The following EFL1 variants were observed in gnomAD, a reference collection of about 807,000 sequenced individuals.
The protein encoded by EFL1 is elongation factor like GTPase 1.
Under a neutral mutation model 126.7 loss-of-function variants are expected in EFL1, and 76 were observed. The ratio of observed to expected loss-of-function variants is 0.60; its 90% confidence interval spans 0.50 to 0.73. The LOEUF (loss-of-function observed/expected upper bound fraction) is 0.73, where lower values mean the gene tolerates loss of function less well. Among genes scored for constraint, EFL1 ranks in the 30% least tolerant of loss-of-function variants. The pLI is 0.00. For missense variants in EFL1, 1,128 were observed against 1,343.2 expected, an observed-to-expected ratio of 0.84 and a Z score of 2.50; for synonymous variants, 410 against 448.4, an observed-to-expected ratio of 0.91 and a Z score of 1.08.
intron 19 of EFL1, among the ~76,000 whole-genome samples, chr15:82,138,425 A>AGAGAGTGT (rs751682963): frequency 6.5e-5 from 3 of 46,178 alleles, no homozygotes; most frequent in South Asian, 1.4e-3. Context: ...AGAGAGAGAG[A>AGAGAGTGT]GTGTATGTGT....
chr15:82,220,237 A>T lies in EFL1; in HGVS notation c.1293-8T>A, dbSNP rs1209136352. 1 of 1,580,158 alleles carries T rather than the reference A, an allele frequency of 6.3e-7. No individual in the cohort carries two copies. The highest frequency in any genetic ancestry group is 2.3e-5 in the East Asian group (1 of 43,902). ...TCTTCTTGAGTGAGAGGCCTACAGG[A>T]TATCACAAATATGCTGTCATCTCTC... On this transcript the variant is annotated splice_polypyrimidine_tract_variant and splice_region_variant and intron_variant, in intron 12 of 19. Coordinates refer to ENST00000268206, the MANE Select transcript of EFL1 (RefSeq NM_024580.6).
intron 13 of EFL1, 111 bp from the exon 14 acceptor site, chr15:82,219,929 A>C (rs1322419686): frequency 6.7e-7 from 1 of 1,492,276 alleles, no homozygotes; most frequent in Non-Finnish European, 9.0e-7. Context: ...TTTCAGGAAA[A>C]AAAAGAAAAC....
At chr15:82,249,327 A>ATATATACTATATATGC (rs2075000798) in intron 4 of EFL1, among the ~76,000 whole-genome samples, 1 of 151,494 alleles carries the variant, frequency 6.6e-6, no homozygotes, top group African/African-American at 2.4e-5. Context: ...ATATACATAC[A>ATATATACTATATATGC]TATATACTAT....
At chr15:82,207,783 C>T (rs1267319659) in intron 15 of EFL1, among the ~76,000 whole-genome samples, 5 of 148,208 alleles carry the variant, frequency 3.4e-5, no homozygotes, top group Admixed American at 6.8e-5. Flanking sequence ...TGCAATGGTG[C>T]GGGCTCGGCT....
At chr15:82,239,303 A>AT (rs1015704535) in intron 6 of EFL1, among the ~76,000 whole-genome samples, 70 of 151,932 alleles carry the variant, frequency 4.6e-4, no homozygotes, top group African/African-American at 1.6e-3. Flanking sequence ...CGCCCGGCTA[A>AT]TTTTTTGTAT....
At chr15:82,208,478 T>C (rs1241801801) in intron 15 of EFL1, among the ~76,000 whole-genome samples, 1 of 151,978 alleles carries the variant, frequency 6.6e-6, no homozygotes, top group Non-Finnish European at 1.5e-5. Context: ...AAATGGAGAG[T>C]GCAGCTGTAG....
At chr15:82,138,459 T>TGTGTGTGTGTG (rs2073748594) in intron 19 of EFL1, among the ~76,000 whole-genome samples, 199 bp downstream of exon 19, 3 of 151,270 alleles carry the variant, frequency 2.0e-5, no homozygotes, top group African/African-American at 7.3e-5. Context: ...TGTGTGTGTG[T>TGTGTGTGTGTG]TTATTATAAA....
At chr15:82,226,593 T>C (rs1428450568) in intron 11 of EFL1, among the ~76,000 whole-genome samples, 1 of 152,042 alleles carries the variant, frequency 6.6e-6, no homozygotes, top group African/African-American at 2.4e-5. Context: ...AAAAGTCCAG[T>C]TGGGGATATG....
At chr15:82,145,497 T>G (rs948983862) in intron 18 of EFL1, among the ~76,000 whole-genome samples, 2 of 151,616 alleles carry the variant, frequency 1.3e-5, no homozygotes, top group Non-Finnish European at 2.9e-5. Context: ...AAAAATTTAA[T>G]AAATAAAAGG....
At chr15:82,189,830 ACTGGG>A (rs1451289707) in intron 15 of EFL1, among the ~76,000 whole-genome samples, 1 of 152,014 alleles carries the variant, frequency 6.6e-6, no homozygotes, top group African/African-American at 2.4e-5. Flanking sequence ...TAAAATTTTC[ACTGGG>A]CTGAGCACAG....
At chr15:82,214,483 A>G (rs2074622776) in intron 15 of EFL1, among the ~76,000 whole-genome samples, 1 of 152,214 alleles carries the variant, frequency 6.6e-6, no homozygotes, top group Non-Finnish European at 1.5e-5. Flanking sequence ...CTTAGGCTAG[A>G]GCATTTACTA....
intron 18 of EFL1, among the ~76,000 whole-genome samples, chr15:82,145,290 C>T (rs1256911103): frequency 4.0e-5 from 5 of 123,964 alleles, no homozygotes; most frequent in East Asian, 2.2e-4. Flanking sequence ...GCAACAAGAG[C>T]GAAACTCTGT....
intron 7 of EFL1, among the ~76,000 whole-genome samples, chr15:82,237,754 A>G (rs926153572): frequency 2.6e-5 from 4 of 151,882 alleles, no homozygotes; most frequent in Admixed American, 2.0e-4. Flanking sequence ...AGGAAAAAAA[A>G]AAAAAACACC....
At chr15:82,231,550 T>C (rs1391285836) in intron 7 of EFL1, among the ~76,000 whole-genome samples, 2 of 152,244 alleles carry the variant, frequency 1.3e-5, no homozygotes, top group African/African-American at 2.4e-5. Context: ...ATACAGCATC[T>C]GCATTGTCTG....
In EFL1 at chr15:82,178,625, C is replaced by T. The variant is rs1391894740; in HGVS notation, c.1751-14641G>A. ...AAGGCAAATCAAGTGACAGGCAGCA[C>T]ATCATTCCTCCCTCTTGAGACTAAG... On this transcript the variant is annotated intron_variant, in intron 15 of 19. Coordinates refer to ENST00000268206, the MANE Select transcript of EFL1 (RefSeq NM_024580.6). 2.0e-5 allele frequency among the ~76,000 whole-genome samples: 3 copies of T among 152,244 alleles called. No homozygotes were observed. The East Asian group carries it at 5.8e-4, about 29-fold the overall frequency.
At chr15:82,236,275 TCAAAATCCTAG>T (rs1596001177) in intron 7 of EFL1, among the ~76,000 whole-genome samples, 2 of 152,126 alleles carry the variant, frequency 1.3e-5, no homozygotes, top group African/African-American at 4.8e-5. Context: ...TCAATTTCCA[TCAAAATCCTAG>T]CAAAATGTTT....
At chr15:82,243,878 T>C (rs1021247765) in intron 4 of EFL1, among the ~76,000 whole-genome samples, 1 of 152,110 alleles carries the variant, frequency 6.6e-6, no homozygotes, top group African/African-American at 2.4e-5. Flanking sequence ...CCCGACAATC[T>C]ACATCCTAAA....
chr15:82,241,355 T>C lies in EFL1; in HGVS notation c.293A>G (p.Asp98Gly). 6.8e-6 allele frequency: 11 copies of C among 1,614,038 alleles called. No individual in the cohort carries two copies. The highest frequency in any genetic ancestry group is 9.3e-6 in the Non-Finnish European group (11 of 1,179,914). Residue 98 changes from aspartate (D) to glycine (G), a missense_variant, in exon 5 of 20, where the codon GAC (aspartate) becomes GGC (glycine). Coordinates refer to ENST00000268206, the MANE Select transcript of EFL1 (RefSeq NM_024580.6). Reference protein sequence around the residue: ...INLIDSPGHVDFSSEVSTAVR... With the variant: ...INLIDSPGHVGFSSEVSTAVR... Reference sequence around the variant, plus strand: ...AGCGGTTGATACTTCTGAGGAAAAGTCCACGTGTCCTGGAGAGTCTATCAG... The same window carrying C: ...AGCGGTTGATACTTCTGAGGAAAAGCCCACGTGTCCTGGAGAGTCTATCAG...
chr15:82,246,565 A>AT (rs71928409), intron 4 of EFL1, among the ~76,000 whole-genome samples: 1 of 151,874 alleles, frequency 6.6e-6, no homozygotes, highest in East Asian at 1.9e-4. Flanking sequence ...GGATTTATGT[A>AT]TTTTTTTAAG....
Sources: allele counts gnomAD v4.1 joint callset (sites outside exome capture counted in the v4.1 genomes callset), GRCh38; gene constraint gnomAD v4.1.1; transcripts MANE v1.5; gene names NCBI Gene and HGNC (gene_info 2026-07-23, HGNC 2026-07-21).